PHLDB2: variants seen among roughly 807,000 people sequenced by gnomAD.
PHLDB2 encodes the protein pleckstrin homology like domain family B member 2, also known as pleckstrin homology-like domain family B member 2.
Under a neutral mutation model 123.6 loss-of-function variants are expected in PHLDB2, and 71 were observed. That is an observed-to-expected ratio of 0.57 (90% CI 0.47 to 0.70). The LOEUF (loss-of-function observed/expected upper bound fraction) is 0.70, where lower values mean the gene tolerates loss of function less well. Among genes scored for constraint, PHLDB2 ranks in the 30% least tolerant of loss-of-function variants. The pLI, the probability that PHLDB2 is intolerant of heterozygous loss-of-function variation, is 0.00. For synonymous variants in PHLDB2, 547 were observed against 541.6 expected (o/e 1.01, Z -0.14); for missense variants, 1,446 against 1,519.5 (o/e 0.95, Z 0.80).
intron 1 of PHLDB2, among the ~76,000 whole-genome samples, chr3:111,878,352 T>C (rs543178912): frequency 1.3e-5 from 2 of 152,204 alleles, no homozygotes; most frequent in African/African-American, 2.4e-5. Context: ...GGCTCTTTGT[T>C]TGTCTGTTAT....
Position 111,975,699 on chromosome 3 carries a change from C to G in PHLDB2, c.*1136C>G, listed in dbSNP as rs2072463161. The G allele has an allele frequency of 6.6e-6, 1 of 152,524 alleles. No individual in the cohort carries two copies. The highest frequency in any genetic ancestry group is 1.5e-5 in the Non-Finnish European group (1 of 68,004). 9.4% of individuals were successfully genotyped at this position (152,524 alleles called of 1,614,324 possible). A position where few individuals can be genotyped will look rare whatever the true frequency, so the allele number is the denominator to read the frequency against. On this transcript the variant is annotated 3_prime_UTR_variant, in exon 18 of 18. Coordinates refer to ENST00000431670, the MANE Select transcript of PHLDB2 (RefSeq NM_001134438.2). ...TAATTTTTGTCAAATGAAACGACTT[C>G]AGGCAAGTCTCTTTTATAATGGTTT...
At chr3:111,824,843 GA>G (rs1218635357) in intron 1 of PHLDB2, among the ~76,000 whole-genome samples, 1 of 152,156 alleles carries the variant, frequency 6.6e-6, no homozygotes, top group Non-Finnish European at 1.5e-5. Context: ...GTACTCTGTG[GA>G]AAAGCAACTG....
At chr3:111,970,182 T>C (rs2072072661) in intron 16 of PHLDB2, among the ~76,000 whole-genome samples, 1 of 152,228 alleles carries the variant, frequency 6.6e-6, no homozygotes, top group African/African-American at 2.4e-5. Flanking sequence ...CCAATAAATA[T>C]TAAGTAAAAT....
At chr3:111,826,756 C>T (rs950390539) in intron 1 of PHLDB2, among the ~76,000 whole-genome samples, 3 of 151,956 alleles carry the variant, frequency 2.0e-5, no homozygotes, top group African/African-American at 4.8e-5. Flanking sequence ...GTGGTGGTGG[C>T]GTGGGAGTGG....
chr3:111,858,882 C>A (rs555751367), upstream of PHLDB2, among the ~76,000 whole-genome samples: 49 of 152,266 alleles, frequency 3.2e-4, no homozygotes, highest in African/African-American at 1.2e-3. Flanking sequence ...TTATGGGCCA[C>A]CCTCGGTCTC....
At chr3:111,879,762 G>A (rs746184010) in intron 1 of PHLDB2, among the ~76,000 whole-genome samples, 7 of 152,118 alleles carry the variant, frequency 4.6e-5, no homozygotes, top group Non-Finnish European at 8.8e-5. Context: ...GGTCCACGTT[G>A]TAAAAGAAGG....
chr3:111,870,422 G>A (rs1053704125), intron 1 of PHLDB2, among the ~76,000 whole-genome samples: 1 of 152,110 alleles, frequency 6.6e-6, no homozygotes, highest in African/African-American at 2.4e-5. Context: ...GTTTAACTGA[G>A]GATGGTGTTT....
intron 2 of PHLDB2, among the ~76,000 whole-genome samples, chr3:111,910,455 G>A (rs1256672144): frequency 6.6e-6 from 1 of 152,178 alleles, no homozygotes; most frequent in Non-Finnish European, 1.5e-5. Flanking sequence ...TCAGAGGGCA[G>A]CCAGCCTCTT....
chr3:111,948,620 C>T (rs2070479937), intron 9 of PHLDB2, among the ~76,000 whole-genome samples: 1 of 152,042 alleles, frequency 6.6e-6, no homozygotes, highest in African/African-American at 2.4e-5. Flanking sequence ...TTGTTGACAA[C>T]CTTAATCCAT....
chr3:111,849,703 A>G (rs1377972846), intron 2 of PHLDB2, among the ~76,000 whole-genome samples: 1 of 152,204 alleles, frequency 6.6e-6, no homozygotes, highest in Non-Finnish European at 1.5e-5. Flanking sequence ...ATTTTATAGC[A>G]GTGCAGTTCA....
chr3:111,743,410 C>T (rs1193839314), intron 1 of PHLDB2, among the ~76,000 whole-genome samples: 1 of 152,140 alleles, frequency 6.6e-6, no homozygotes, highest in Non-Finnish European at 1.5e-5. Flanking sequence ...TCTCCCATAC[C>T]CTAGGGACTT....
intron 1 of PHLDB2, among the ~76,000 whole-genome samples, chr3:111,803,879 G>T (rs1484844479): frequency 1.3e-5 from 2 of 152,126 alleles, no homozygotes; most frequent in Non-Finnish European, 2.9e-5. Flanking sequence ...CAAAGCTAAT[G>T]ACTTCAGGTG....
At position 111,920,428 on chromosome 3, in the gene PHLDB2, A is replaced by T; in HGVS notation, c.2001+9A>T. On this transcript the variant is annotated intron_variant, in intron 5 of 17. Coordinates refer to ENST00000431670, the MANE Select transcript of PHLDB2 (RefSeq NM_001134438.2). ...TTGGTGAAAAGACCAAGGTAAAAGA[A>T]AATTATATTTCAATGCAGTTTTTAT... The T allele has an allele frequency of 6.2e-7, 1 of 1,610,938 alleles. No individual in the cohort carries two copies. Among genetic ancestry groups the T allele is most frequent in the East Asian group, 2.2e-5 (1 of 44,814 alleles).
intron 2 of PHLDB2, among the ~76,000 whole-genome samples, chr3:111,896,117 TA>T (rs371178845): frequency 1.9e-3 from 294 of 152,170 alleles, no homozygotes; most frequent in African/African-American, 6.7e-3. Flanking sequence ...AATGCCCAAC[TA>T]ATTTTTGTAT....
Position 111,966,485 on chromosome 3 carries a change from C to A in PHLDB2, c.3078-128C>A. 4.1e-6 allele frequency: 2 copies of A among 492,396 alleles called. 1 individual carries two copies. The highest frequency in any genetic ancestry group is 7.2e-5 in the Admixed American group (2 of 27,588). 30.5% of individuals were successfully genotyped at this position (492,396 alleles called of 1,614,324 possible). A position where few individuals can be genotyped will look rare whatever the true frequency, so the allele number is the denominator to read the frequency against. On this transcript the variant is annotated intron_variant, in intron 13 of 17. Coordinates refer to ENST00000431670, the MANE Select transcript of PHLDB2 (RefSeq NM_001134438.2). ...TTATATATGCTTGGATTTTGTTATG[C>A]ACCTCCCTTGACCCCATGTGTGTGT...
intron 2 of PHLDB2, among the ~76,000 whole-genome samples, chr3:111,902,763 T>A (rs2067269872): frequency 6.6e-6 from 1 of 152,106 alleles, no homozygotes; most frequent in Non-Finnish European, 1.5e-5. Flanking sequence ...CTTGGCCTCC[T>A]GAGTAGCTGG....
chr3:111,955,161 C>G (rs62277619), intron 12 of PHLDB2, among the ~76,000 whole-genome samples: 1 of 148,546 alleles, frequency 6.7e-6, no homozygotes, highest in East Asian at 2.0e-4. Context: ...ATATATATAT[C>G]TCTCACTGGA....
Position 111,974,452 on chromosome 3 carries a change from C to A in PHLDB2, c.3651C>A (p.Val1217=), listed in dbSNP as rs1426527678. The A allele has an allele frequency of 6.2e-7, 1 of 1,612,204 alleles. No individual in the cohort carries two copies. The highest frequency in any genetic ancestry group is 1.3e-5 in the African/African-American group (1 of 74,774). ...KSPNPLLTFS[V]KTHDRIYYMV... ...CTAATCCGTTACTCACCTTTAGCGTCAAGACTCATGACAGAATCTATTATA... is the reference window on the plus strand; with the variant it reads ...CTAATCCGTTACTCACCTTTAGCGTAAAGACTCATGACAGAATCTATTATA... The change falls in exon 18 of 18, where the codon GTC becomes GTA. Residue 1217 remains valine (V), a synonymous_variant. Transcript: ENST00000431670.
At chr3:111,943,641 G>C (rs2070070176) in intron 8 of PHLDB2, among the ~76,000 whole-genome samples, 1 of 152,016 alleles carries the variant, frequency 6.6e-6, no homozygotes, top group Admixed American at 6.6e-5. Context: ...AGTTACATGG[G>C]AAAATACTCA....
Sources: allele counts gnomAD v4.1 joint callset (sites outside exome capture counted in the v4.1 genomes callset), GRCh38; gene constraint gnomAD v4.1.1; transcripts MANE v1.5; gene names NCBI Gene and HGNC (gene_info 2026-07-23, HGNC 2026-07-21).